Variants in TRRAP observed in about 807,000 individuals in gnomAD.
The protein encoded by TRRAP is transformation/transcription domain associated protein.
TRRAP carries 41 observed loss-of-function variants against 438.8 expected under a neutral mutation model. The ratio of observed to expected loss-of-function variants is 0.09; its 90% CI spans 0.07 to 0.12. TRRAP has a LOEUF of 0.12. TRRAP is among the 10% of genes least tolerant of loss of function. TRRAP has a pLI of 1.00. For synonymous variants in TRRAP, 1,994 were observed against 1,962.9 expected (o/e 1.02, Z -0.42); for missense variants, 3,122 against 5,055.1 (o/e 0.62, Z 11.60).
chr7:98,940,757 G>A lies in TRRAP; in HGVS notation c.4405-2192G>A, dbSNP rs1013497725. Among the ~76,000 whole-genome samples the A allele has an allele frequency of 6.6e-5, 10 of 152,150 alleles. No individual in the cohort carries two copies. In the South Asian group the frequency reaches 1.9e-3, roughly 28 times the overall value. ...GACTTAACGTTGACGGTGCCTTTGCGCTTAGTGGCAGAGGTCTTCCTGAAT... is the reference window on the plus strand; with the variant it reads ...GACTTAACGTTGACGGTGCCTTTGCACTTAGTGGCAGAGGTCTTCCTGAAT... On this transcript the variant is annotated intron_variant, in intron 30 of 72. Coordinates refer to ENST00000456197, the MANE Select transcript of TRRAP (RefSeq NM_001375524.1).
chr7:98,990,170 G>A (rs924602310), intron 63 of TRRAP, among the ~76,000 whole-genome samples: 1 of 152,210 alleles, frequency 6.6e-6, no homozygotes, highest in Non-Finnish European at 1.5e-5. Context: ...GGAGGTTGCA[G>A]TGAGCCAAGA....
In TRRAP at chr7:99,012,157, G is replaced by A. The variant is rs75387850; in HGVS notation, c.11424G>A (p.Ser3808=). Residue 3808 remains serine (S), a synonymous_variant, in exon 73 of 73, where the codon TCG becomes TCA. Transcript: ENST00000456197. This position sits in a 1 kb window ranked among gnomAD's most constrained non-coding sequence, Gnocchi z 5.9. ...KTQEDTSSPL[S]AAGQPENMDS... Reference sequence around the variant, plus strand: ...AAGAGGACACGTCCTCTCCTCTCTCGGCCGCCGGGCAGCCAGAGAACATGG... The same window carrying A: ...AAGAGGACACGTCCTCTCCTCTCTCAGCCGCCGGGCAGCCAGAGAACATGG... The A allele has an allele frequency of 3.1e-4, 500 of 1,614,154 alleles. 5 individuals are homozygous for A. In the East Asian group the frequency reaches 0.011, roughly 34 times the overall value.
intron 51 of TRRAP, among the ~76,000 whole-genome samples, chr7:98,969,512 C>T (rs1248342264): frequency 1.3e-5 from 2 of 152,248 alleles, no homozygotes. Context: ...TCTGTGCAGT[C>T]AACAGATGAG....
chr7:98,999,332 T>G, intron 67 of TRRAP: 2 of 1,398,722 alleles, frequency 1.4e-6, no homozygotes, highest in Non-Finnish European at 2.0e-6. Context: ...AGTCCAAGAT[T>G]TCCTGGATCA....
At chr7:98,883,948 A>T (rs1317163190) in intron 3 of TRRAP, among the ~76,000 whole-genome samples, 12 of 152,278 alleles carry the variant, frequency 7.9e-5, no homozygotes, top group Admixed American at 3.9e-4. Flanking sequence ...GATGCCACTG[A>T]ATTTGCGTAG....
chr7:98,885,749 GAGAACC>G (rs1795668264), intron 3 of TRRAP, among the ~76,000 whole-genome samples: 1 of 152,162 alleles, frequency 6.6e-6, no homozygotes, highest in Non-Finnish European at 1.5e-5. Flanking sequence ...ACTGATCTGA[GAGAACC>G]ATAGTCTTGG....
intron 26 of TRRAP, among the ~76,000 whole-genome samples, chr7:98,932,541 A>G (rs781891138): frequency 4.6e-5 from 7 of 151,962 alleles, no homozygotes; most frequent in Non-Finnish European, 8.8e-5. Context: ...ATGGGCTCTC[A>G]CTATGTTGCC....
At chr7:98,949,095 C>T (rs113940700) in intron 35 of TRRAP, among the ~76,000 whole-genome samples, 2,015 of 152,118 alleles carry the variant, frequency 0.013, 14 homozygotes, top group Non-Finnish European at 0.02. Flanking sequence ...TAGCCGGGCA[C>T]GGTGGCACAT....
intron 29 of TRRAP, 31 bp downstream of exon 29, chr7:98,937,308 G>A (rs781921924): frequency 3.3e-5 from 52 of 1,598,522 alleles, no homozygotes; most frequent in African/African-American, 8.1e-5. Flanking sequence ...GTATGCGCAC[G>A]CGTGTGTGCA....
rs573365291 is a variant in TRRAP at position 98,925,129 on chromosome 7, G to A, written c.2841G>A (p.Leu947=). 6.2e-7 allele frequency: 1 copy of A among 1,613,890 alleles called. No homozygotes were observed. Among genetic ancestry groups the A allele is most frequent in the Admixed American group, 1.7e-5 (1 of 59,976 alleles). Residue 947 remains leucine, a synonymous_variant, in exon 22 of 73, where the codon CTG becomes CTA. Coordinates refer to ENST00000456197, the MANE Select transcript of TRRAP (RefSeq NM_001375524.1). ...GGTTGTAGGCCATTGAAACTGCTCTGGACTGCCTGAAAAGCGCCAACACTG... is the reference window on the plus strand; with the variant it reads ...GGTTGTAGGCCATTGAAACTGCTCTAGACTGCCTGAAAAGCGCCAACACTG... The part of the protein sequence containing the change: ...LPMEKAIETA[L]DCLKSANTEP...
Position 98,967,128 on chromosome 7 carries a change from G to T in TRRAP, c.7264G>T (p.Ala2422Ser), listed in dbSNP as rs779659991. Reference protein sequence around the residue: ...KRFPEDLELNAQFLDLVNYVY... With the variant: ...KRFPEDLELNSQFLDLVNYVY... ...CTTTCCGGAAGACCTTGAATTAAATGCCCAGTTTTTAGATCTTGTTAACTA... is the reference window on the plus strand; with the variant it reads ...CTTTCCGGAAGACCTTGAATTAAATTCCCAGTTTTTAGATCTTGTTAACTA... Residue 2422 changes from alanine to serine, a missense_variant, in exon 50 of 73, where the codon GCC becomes TCC. Transcript: ENST00000456197. 6.2e-7 allele frequency: 1 copy of T among 1,614,020 alleles called. No individual in the cohort carries two copies. Among genetic ancestry groups the T allele is most frequent in the Non-Finnish European group, 8.5e-7 (1 of 1,179,998 alleles).
intron 44 of TRRAP, 148 bp from the exon 45 acceptor site, chr7:98,959,196 T>A: frequency 9.3e-7 from 1 of 1,070,478 alleles, no homozygotes; most frequent in Non-Finnish European, 1.3e-6. Context: ...TGTCCAGCTG[T>A]GTGGAGGTCA....
At chr7:98,915,974 C>T in intron 19 of TRRAP, 86 bp downstream of exon 19, 1 of 1,535,250 alleles carries the variant, frequency 6.5e-7, no homozygotes, top group Non-Finnish European at 8.9e-7. Flanking sequence ...GTTTCATCCT[C>T]TGTAACTGGT....
At position 98,956,034 on chromosome 7, in the gene TRRAP, A is replaced by C; in HGVS notation, c.5938-112A>C. The stretch of plus-strand genomic sequence containing the variant: ...GAGCATCAAGTTGGGCTGTGTGTGT[A>C]TGTTGGGGCTGAGAGGCATGTCGGG... On this transcript the variant is annotated intron_variant, in intron 41 of 72. Coordinates refer to ENST00000456197, the MANE Select transcript of TRRAP (RefSeq NM_001375524.1). This position sits in a 1 kb window ranked among gnomAD's most constrained non-coding sequence, Gnocchi z 4.5. 1 of 1,306,096 alleles carries C rather than the reference A, an allele frequency of 7.7e-7. No homozygotes were observed. Among genetic ancestry groups the C allele is most frequent in the Non-Finnish European group, 1.0e-6 (1 of 964,126 alleles). The allele number at this position is 1,306,096 out of a possible 1,614,324, so 80.9% of individuals were successfully genotyped here.
chr7:98,886,501 T>A (rs113820802), intron 3 of TRRAP, among the ~76,000 whole-genome samples: 1 of 152,084 alleles, frequency 6.6e-6, no homozygotes, highest in Non-Finnish European at 1.5e-5. Flanking sequence ...TAGAGAGATA[T>A]GGATATCTAG....
Position 98,922,535 on chromosome 7 carries a change from C to T in TRRAP, c.2823+582C>T, listed in dbSNP as rs1789846210. Among the ~76,000 whole-genome samples, 2 of 151,630 alleles carry T rather than the reference C, an allele frequency of 1.3e-5. 1 individual carries two copies. The highest frequency in any genetic ancestry group is 4.2e-4 in the South Asian group (2 of 4,800). On this transcript the variant is annotated intron_variant, in intron 21 of 72. Coordinates refer to ENST00000456197, the MANE Select transcript of TRRAP (RefSeq NM_001375524.1). ...CCTGCTGACTTTTCTGCTCCCTGTC[C>T]TAGTTCTGTGTCAGCATCATTCCAT... is the stretch of plus-strand genomic sequence containing the variant.
intron 66 of TRRAP, 80 bp downstream of exon 66, chr7:98,993,817 C>T (rs1196358618): frequency 1.4e-6 from 2 of 1,446,166 alleles, no homozygotes; most frequent in African/African-American, 1.4e-5. Context: ...GCTCTCTTCC[C>T]TTGAGCTTTA....
In TRRAP at chr7:98,964,793, G is replaced by A. The variant is rs142573809; in HGVS notation, c.6976+18G>A. 39 of 1,603,208 alleles carry A rather than the reference G, an allele frequency of 2.4e-5. No individual in the cohort carries two copies. The highest frequency in any genetic ancestry group is 2.4e-4 in the African/African-American group (18 of 74,644). ...CACCTCAGGTGATGTGCTGGCCACC[G>A]GGGGCCTTTCCTCAGACTCTGTTGA... On this transcript the variant is annotated intron_variant, in intron 48 of 72. Transcript: ENST00000456197.
intron 39 of TRRAP, among the ~76,000 whole-genome samples, chr7:98,951,740 G>A (rs1450093162): frequency 1.3e-5 from 2 of 152,176 alleles, no homozygotes; most frequent in African/African-American, 4.8e-5. Context: ...GCAGATTCTT[G>A]GACCTTACAT....
Sources: allele counts gnomAD v4.1 joint callset (sites outside exome capture counted in the v4.1 genomes callset), GRCh38; gene constraint gnomAD v4.1.1; non-coding constraint Gnocchi (gnomAD v3.1); transcripts MANE v1.5; gene names NCBI Gene and HGNC (gene_info 2026-07-23, HGNC 2026-07-21).